The following EYS variants were observed in gnomAD, a reference collection of about 807,000 sequenced individuals.
The protein encoded by EYS is protein eyes shut homolog.
A neutral mutation model predicts 282.1 loss-of-function variants in EYS; 250 were observed. The ratio of observed to expected loss-of-function variants is 0.89; its 90% CI spans 0.80 to 0.98. EYS has a LOEUF of 0.98. EYS is among the 50% of genes least tolerant of loss of function. The pLI is 0.00. For synonymous variants in EYS, 1,355 were observed against 1,282.9 expected, an observed-to-expected ratio of 1.06 and a Z score of -1.20; for missense variants, 4,016 against 3,709.0, an observed-to-expected ratio of 1.08 and a Z score of -2.15.
At chr6:65,354,284 A>C (rs1008362921) in intron 8 of EYS, among the ~76,000 whole-genome samples, 2 of 152,104 alleles carry the variant, frequency 1.3e-5, no homozygotes, top group African/African-American at 4.8e-5. Flanking sequence ...TCTTTAGAGC[A>C]TACCCCTCAA....
chr6:63,758,556 G>A (rs1331341224), intron 41 of EYS, among the ~76,000 whole-genome samples: 1 of 151,792 alleles, frequency 6.6e-6, no homozygotes, highest in Non-Finnish European at 1.5e-5. Context: ...TACTCTTTTT[G>A]GAGGTATGCT....
At chr6:64,547,852 T>C (rs1405564360) in intron 26 of EYS, among the ~76,000 whole-genome samples, 4 of 152,078 alleles carry the variant, frequency 2.6e-5, no homozygotes, top group African/African-American at 9.7e-5. Flanking sequence ...GGGCTACAGG[T>C]CCCAAGCCCT....
chr6:64,438,782 A>G (rs1429566716), intron 27 of EYS, among the ~76,000 whole-genome samples: 1 of 151,666 alleles, frequency 6.6e-6, no homozygotes, highest in Non-Finnish European at 1.5e-5. Flanking sequence ...CTTCTTAAGA[A>G]CACTCTCTTG....
intron 41 of EYS, among the ~76,000 whole-genome samples, chr6:63,745,941 G>A (rs2149645378): frequency 6.6e-6 from 1 of 152,270 alleles, no homozygotes; most frequent in Admixed American, 6.5e-5. Context: ...ACCATGTGAG[G>A]ACACAGGTAG....
intron 41 of EYS, among the ~76,000 whole-genome samples, chr6:63,727,026 G>A (rs1768639465): frequency 6.6e-6 from 1 of 152,138 alleles, no homozygotes; most frequent in African/African-American, 2.4e-5. Context: ...CATTTATAAT[G>A]CTTTCAGAAA....
intron 12 of EYS, among the ~76,000 whole-genome samples, chr6:65,194,285 A>G (rs1161286951): frequency 6.6e-6 from 1 of 151,964 alleles, no homozygotes; most frequent in African/African-American, 2.4e-5. Context: ...AGTGTATTCC[A>G]TTACTACAGT....
intron 35 of EYS, among the ~76,000 whole-genome samples, chr6:63,865,316 A>T (rs943197826): frequency 1.3e-5 from 2 of 152,222 alleles, no homozygotes; most frequent in African/African-American, 4.8e-5. Context: ...GTGACAGAGA[A>T]ATATAGATTA....
chr6:64,492,994 C>T (rs1363912424), intron 26 of EYS, among the ~76,000 whole-genome samples: 1 of 151,184 alleles, frequency 6.6e-6, no homozygotes, highest in Non-Finnish European at 1.5e-5. Flanking sequence ...AGACTGAACA[C>T]AAAATATGAA....
At chr6:64,750,131 A>G (rs1178373338) in intron 22 of EYS, among the ~76,000 whole-genome samples, 1 of 152,056 alleles carries the variant, frequency 6.6e-6, no homozygotes, top group Non-Finnish European at 1.5e-5. Flanking sequence ...AAAAGGTTCC[A>G]AAGTAATTTA....
At chr6:65,684,070 T>G (rs932517231) in intron 1 of EYS, among the ~76,000 whole-genome samples, 1 of 152,014 alleles carries the variant, frequency 6.6e-6, no homozygotes, top group African/African-American at 2.4e-5. Flanking sequence ...GCCTTAGAAT[T>G]TATTAAAGTC....
chr6:65,447,548 A>G, intron 5 of EYS, among the ~76,000 whole-genome samples: 1 of 150,546 alleles, frequency 6.6e-6, no homozygotes, highest in East Asian at 2.0e-4. Flanking sequence ...GCATAGATTT[A>G]CTCACTTTTT....
chr6:64,033,837 T>TATATATATATATAG (rs1365130110), intron 33 of EYS, among the ~76,000 whole-genome samples: 1 of 149,256 alleles, frequency 6.7e-6, no homozygotes, highest in African/African-American at 2.6e-5. Context: ...ACTCTCTCTC[T>TATATATATATATAG]CTCTCTCTCT....
chr6:64,560,687 TA>T (rs1765366587), intron 26 of EYS, among the ~76,000 whole-genome samples: 1 of 152,104 alleles, frequency 6.6e-6, no homozygotes, highest in South Asian at 2.1e-4. Context: ...TTACCGATAA[TA>T]AAAATTTTCC....
At chr6:64,045,839 A>G (rs1327812729) in intron 33 of EYS, among the ~76,000 whole-genome samples, 1 of 149,858 alleles carries the variant, frequency 6.7e-6, no homozygotes, top group Non-Finnish European at 1.5e-5. Flanking sequence ...GTATATATGC[A>G]TAGATATGTG....
At chr6:64,971,825 T>A (rs2150111511) in intron 14 of EYS, among the ~76,000 whole-genome samples, 1 of 152,240 alleles carries the variant, frequency 6.6e-6, no homozygotes, top group East Asian at 1.9e-4. Flanking sequence ...ATCATGAAAT[T>A]GTGGAAGAAT....
At chr6:64,837,123 T>C (rs914113063) in intron 19 of EYS, among the ~76,000 whole-genome samples, 2 of 151,766 alleles carry the variant, frequency 1.3e-5, no homozygotes, top group South Asian at 4.1e-4. Context: ...AAAATTGTTA[T>C]TGTTCACTTT....
At chr6:63,974,209 A>C (rs951948953) in intron 35 of EYS, among the ~76,000 whole-genome samples, 5 of 152,060 alleles carry the variant, frequency 3.3e-5, no homozygotes, top group African/African-American at 7.2e-5. Flanking sequence ...TGGTTAACAC[A>C]ATTTACCATT....
chr6:64,879,362 T>C (rs1766845265), intron 19 of EYS, among the ~76,000 whole-genome samples: 1 of 152,092 alleles, frequency 6.6e-6, no homozygotes, highest in Non-Finnish European at 1.5e-5. Context: ...CTCTTAGACA[T>C]TAACCGATAT....
chr6:64,565,765 T>C (rs1474176310), intron 26 of EYS, among the ~76,000 whole-genome samples: 8 of 152,142 alleles, frequency 5.3e-5, no homozygotes, highest in Non-Finnish European at 1.2e-4. Flanking sequence ...TACATGTTGT[T>C]ACCACAAATA....
Sources: allele counts gnomAD v4.1 joint callset (sites outside exome capture counted in the v4.1 genomes callset), GRCh38; gene constraint gnomAD v4.1.1; transcripts MANE v1.5; gene names NCBI Gene and HGNC (gene_info 2026-07-23, HGNC 2026-07-21).